HTR4: variants seen among roughly 807,000 people sequenced by gnomAD.
HTR4 encodes the protein 5-hydroxytryptamine (serotonin) receptor 4, G protein-coupled.
Under a neutral mutation model 36.8 loss-of-function variants are expected in HTR4, and 16 were observed. That is an observed-to-expected ratio of 0.43 (90% confidence interval 0.29 to 0.66). The LOEUF is 0.66. Ranked by LOEUF, HTR4 falls within the 30% of genes least tolerant of loss-of-function variation. The pLI, the probability that HTR4 is intolerant of heterozygous loss-of-function variation, is 0.13. For missense variants in HTR4, 438 were observed against 490.9 expected (o/e 0.89, Z 1.02); for synonymous variants, 189 against 185.1 (o/e 1.02, Z -0.17).
chr5:148,510,349 A>C (rs1284529749), intron 5 of HTR4, among the ~76,000 whole-genome samples: 1 of 152,212 alleles, frequency 6.6e-6, no homozygotes, highest in Admixed American at 6.5e-5. Context: ...AGAGGAACTG[A>C]AGGCTCCAGG....
chr5:148,507,380 G>A, intron 6 of HTR4, among the ~76,000 whole-genome samples: 2 of 113,392 alleles, frequency 1.8e-5, no homozygotes, highest in Non-Finnish European at 3.4e-5. Context: ...GTCGTGGGGT[G>A]GGGGGAGGGG....
chr5:148,487,105 T>C (rs1581366974), intron 6 of HTR4, among the ~76,000 whole-genome samples: 1 of 152,334 alleles, frequency 6.6e-6, no homozygotes, highest in East Asian at 1.9e-4. Context: ...GTCATATCTT[T>C]TTTTCACATT....
At chr5:148,597,516 C>A (rs1761825450) in intron 2 of HTR4, among the ~76,000 whole-genome samples, 2 of 152,186 alleles carry the variant, frequency 1.3e-5, no homozygotes, top group Admixed American at 6.5e-5. Context: ...TTACTCCTTA[C>A]CTCTTACCAC....
chr5:148,541,812 C>A (rs1000976833), intron 4 of HTR4, among the ~76,000 whole-genome samples: 1 of 152,098 alleles, frequency 6.6e-6, no homozygotes, highest in Non-Finnish European at 1.5e-5. Flanking sequence ...TTTTCACATG[C>A]GTTTTCAGGA....
At chr5:148,524,687 A>C (rs897203010) in intron 4 of HTR4, among the ~76,000 whole-genome samples, 1 of 152,202 alleles carries the variant, frequency 6.6e-6, no homozygotes, top group African/African-American at 2.4e-5. Context: ...ATAGAAATGC[A>C]AAAAGAGCCT....
chr5:148,452,194 T>C (rs536122984), intron 5 of HTR4, among the ~76,000 whole-genome samples: 2 of 152,318 alleles, frequency 1.3e-5, no homozygotes, highest in South Asian at 4.1e-4. Flanking sequence ...CATAAATTAC[T>C]TTATTTAATC....
chr5:148,587,880 T>G (rs1761407043), intron 2 of HTR4, among the ~76,000 whole-genome samples: 2 of 152,280 alleles, frequency 1.3e-5, no homozygotes, highest in South Asian at 4.1e-4. Context: ...GTTAGTAACT[T>G]AGCATCTTTC....
chr5:148,652,607 G>A (rs1346435924), intron 1 of HTR4, among the ~76,000 whole-genome samples: 1 of 152,124 alleles, frequency 6.6e-6, no homozygotes, highest in Non-Finnish European at 1.5e-5. Context: ...AGGAACCAGA[G>A]ACACTACTGT....
At chr5:148,492,921 C>G (rs1456079698) in intron 6 of HTR4, among the ~76,000 whole-genome samples, 1 of 152,096 alleles carries the variant, frequency 6.6e-6, no homozygotes, top group Non-Finnish European at 1.5e-5. Flanking sequence ...TTCCACCAAG[C>G]CAGAAGCTGG....
chr5:148,589,877 G>C (rs1761491398), intron 2 of HTR4, among the ~76,000 whole-genome samples: 1 of 151,922 alleles, frequency 6.6e-6, no homozygotes, highest in African/African-American at 2.4e-5. Context: ...TACTCTTTCA[G>C]CAATTTTTAA....
chr5:148,489,350 T>G (rs542430401), intron 6 of HTR4, among the ~76,000 whole-genome samples: 2 of 152,282 alleles, frequency 1.3e-5, no homozygotes, highest in African/African-American at 4.8e-5. Context: ...CAGAGCCTGA[T>G]TGAAACAACA....
At chr5:148,577,363 TTGG>T (rs1440408303) in intron 2 of HTR4, among the ~76,000 whole-genome samples, 5 of 152,182 alleles carry the variant, frequency 3.3e-5, no homozygotes, top group South Asian at 4.2e-4. Context: ...TTGTGCACTG[TTGG>T]TGGGAGTGTA....
chr5:148,565,519 T>C (rs1269734872), intron 2 of HTR4, among the ~76,000 whole-genome samples: 1 of 152,006 alleles, frequency 6.6e-6, no homozygotes, highest in Non-Finnish European at 1.5e-5. Flanking sequence ...GGTAAACGAA[T>C]GTGAGGGGCA....
intron 2 of HTR4, among the ~76,000 whole-genome samples, chr5:148,631,687 A>T (rs891815497): frequency 3.3e-5 from 5 of 152,138 alleles, no homozygotes; most frequent in Admixed American, 3.3e-4. Context: ...GTTTGCTAAG[A>T]TTGGAAAATT....
intron 2 of HTR4, among the ~76,000 whole-genome samples, chr5:148,616,955 C>G (rs1280065908): frequency 6.6e-6 from 1 of 152,132 alleles, no homozygotes; most frequent in Non-Finnish European, 1.5e-5. Flanking sequence ...ATTGCATTTT[C>G]CTGTTAATCA....
At chr5:148,511,392 C>A (rs933681435) in intron 5 of HTR4, among the ~76,000 whole-genome samples, 2 of 152,138 alleles carry the variant, frequency 1.3e-5, no homozygotes, top group African/African-American at 4.8e-5. Context: ...TATTTGTTTT[C>A]CAACTAAGTA....
At chr5:148,603,340 C>T (rs1288269351) in intron 2 of HTR4, among the ~76,000 whole-genome samples, 1 of 151,836 alleles carries the variant, frequency 6.6e-6, no homozygotes, top group Non-Finnish European at 1.5e-5. Flanking sequence ...TTACGATTTA[C>T]AAAGAAAAAA....
intron 5 of HTR4, among the ~76,000 whole-genome samples, chr5:148,512,505 T>A (rs752467288): frequency 6.6e-6 from 1 of 152,258 alleles, no homozygotes; most frequent in Non-Finnish European, 1.5e-5. Context: ...GTCAGATTTA[T>A]GTGTTGCACA....
In HTR4 at chr5:148,481,886, G is replaced by C; in HGVS notation, c.*1317C>G. The stretch of plus-strand genomic sequence containing the variant: ...AGCTGGAAAGGTCAGGGGTCTAAAA[G>C]GCCCAAATGAGGAGGGTCGTTCCTT... On this transcript the variant is annotated 3_prime_UTR_variant, in exon 7 of 7. Coordinates refer to ENST00000377888, the MANE Select transcript of HTR4 (RefSeq NM_000870.7). 1.7e-6 allele frequency: 2 copies of C among 1,190,684 alleles called. No individual in the cohort carries two copies. The highest frequency in any genetic ancestry group is 2.1e-6 in the Non-Finnish European group (2 of 963,216). 73.8% of individuals were successfully genotyped at this position (1,190,684 alleles called of 1,614,324 possible).
Sources: gnomAD v4.1 joint callset for allele counts (sites outside exome capture counted in the v4.1 genomes callset) on GRCh38, gnomAD v4.1.1 for gene constraint, MANE v1.5 for transcripts, NCBI Gene and HGNC (gene_info 2026-07-23, HGNC 2026-07-21) for gene names.